The following IGSF6 variants were observed in gnomAD, a reference collection of about 807,000 sequenced individuals.
IGSF6 encodes down-regulated by activation (immunoglobulin superfamily).
IGSF6 carries 23 observed loss-of-function variants against 24.7 expected under a neutral mutation model. The observed-to-expected ratio is 0.93, with a 90% confidence interval of 0.67 to 1.32. The LOEUF (loss-of-function observed/expected upper bound fraction) is 1.32. IGSF6 is among the 40% of genes most tolerant of loss of function. The probability of loss-of-function intolerance (pLI) is 0.00; values close to 1 mark genes in which losing one functional copy is unlikely to be tolerated. For missense variants in IGSF6, 295 were observed against 293.6 expected (o/e 1.00, Z -0.04); for synonymous variants, 110 against 113.7 (o/e 0.97, Z 0.21).
intron 5 of IGSF6, 52 bp downstream of exon 5, chr16:21,643,022 C>G: frequency 7.7e-7 from 1 of 1,290,460 alleles, no homozygotes; most frequent in Non-Finnish European, 1.1e-6. Flanking sequence ...TTAGTTTTTT[C>G]AAACGTGCTT....
intron 2 of IGSF6, chr16:21,646,270 A>G (rs1966427245): frequency 6.6e-6 from 1 of 151,986 alleles, no homozygotes. Context: ...AGGAATTGTC[A>G]TGGGTTTTAT....
chr16:21,650,508 CAAAAAAA>C (rs3046229), intron 1 of IGSF6, among the ~76,000 whole-genome samples: 1 of 89,990 alleles, frequency 1.1e-5, no homozygotes, highest in African/African-American at 4.6e-5. Flanking sequence ...ACTCTTGTCT[CAAAAAAA>C]AAAAAAAAAA....
intron 2 of IGSF6, among the ~76,000 whole-genome samples, chr16:21,645,043 G>C (rs920584450): frequency 6.6e-6 from 1 of 152,180 alleles, no homozygotes; most frequent in African/African-American, 2.4e-5. Context: ...ATTGTCTTGT[G>C]CTCTGGGTAG....
intron 1 of IGSF6, among the ~76,000 whole-genome samples, chr16:21,648,947 C>T (rs1394592581): frequency 1.3e-5 from 2 of 152,074 alleles, no homozygotes; most frequent in African/African-American, 2.4e-5. Flanking sequence ...AGAATCATGG[C>T]GTTTGTGATG....
chr16:21,643,273 A>C, intron 4 of IGSF6, 119 bp from the exon 5 acceptor site: 1 of 734,462 alleles, frequency 1.4e-6, no homozygotes, highest in South Asian at 1.5e-5. Context: ...CCCCTCCCCC[A>C]ACACATATGT....
chr16:21,645,540 C>A (rs1966399019), intron 2 of IGSF6, among the ~76,000 whole-genome samples: 1 of 152,144 alleles, frequency 6.6e-6, no homozygotes, highest in Non-Finnish European at 1.5e-5. Context: ...GTGAAACTAA[C>A]AAATTAACCA....
chr16:21,651,769 C>T (rs1966582502), intron 1 of IGSF6: 2 of 152,016 alleles, frequency 1.3e-5, no homozygotes, highest in Admixed American at 6.6e-5. Context: ...ATTTTATCTG[C>T]ATCTTTCAGA....
At chr16:21,643,640 C>G in intron 3 of IGSF6, 42 bp from the exon 4 acceptor site, 2 of 1,364,276 alleles carry the variant, frequency 1.5e-6, no homozygotes, top group Non-Finnish European at 2.1e-6. Flanking sequence ...ATTTTATGTA[C>G]TCATAACAAT....
intron 2 of IGSF6, 33 bp from the exon 3 acceptor site, chr16:21,644,429 C>G: frequency 7.1e-7 from 1 of 1,403,880 alleles, no homozygotes; most frequent in Non-Finnish European, 1.0e-6. Flanking sequence ...AGCACATTGA[C>G]TATTAAAGCC....
chr16:21,651,019 C>T (rs930011425), intron 1 of IGSF6, among the ~76,000 whole-genome samples: 2 of 152,120 alleles, frequency 1.3e-5, no homozygotes, highest in Non-Finnish European at 2.9e-5. Flanking sequence ...GTCAGGAGAT[C>T]GAGACCATCC....
chr16:21,641,476 C>T lies in IGSF6; in HGVS notation c.*58G>A. ...AGACCTGATGATATATGTTCATTAACACTGCCATAGCTCCTGGAGTTGGAT... is the reference window on the plus strand; with the variant it reads ...AGACCTGATGATATATGTTCATTAATACTGCCATAGCTCCTGGAGTTGGAT... On this transcript the variant is annotated 3_prime_UTR_variant, in exon 6 of 6. Transcript: ENST00000268389. 1.0e-6 allele frequency: 1 copy of T among 972,320 alleles called. No homozygotes were observed. 60.2% of individuals were successfully genotyped at this position (972,320 alleles called of 1,614,324 possible). A position where few individuals can be genotyped will look rare whatever the true frequency, so the allele number is the denominator to read the frequency against.
At chr16:21,647,112 A>G in intron 2 of IGSF6, 21 bp downstream of exon 2, 1 of 1,614,100 alleles carries the variant, frequency 6.2e-7, no homozygotes, top group African/African-American at 1.3e-5. Flanking sequence ...GATGCACTGA[A>G]ATAAAGCCTC....
At chr16:21,643,999 C>T (rs573323182) in intron 3 of IGSF6, among the ~76,000 whole-genome samples, 1 of 152,124 alleles carries the variant, frequency 6.6e-6, no homozygotes, top group Non-Finnish European at 1.5e-5. Flanking sequence ...ACACCTCACC[C>T]CTACAGCAGA....
chr16:21,644,165 G>A, intron 3 of IGSF6, 125 bp downstream of exon 3: 1 of 668,620 alleles, frequency 1.5e-6, no homozygotes, highest in Non-Finnish European at 2.6e-6. Flanking sequence ...CCCTGCAGAT[G>A]CACAGGAAAA....
chr16:21,646,943 C>G, intron 2 of IGSF6, 190 bp downstream of exon 2: 1 of 704,186 alleles, frequency 1.4e-6, no homozygotes, highest in Non-Finnish European at 2.4e-6. Flanking sequence ...TGTGAGCCAC[C>G]ACGCCCAGCC....
intron 1 of IGSF6, among the ~76,000 whole-genome samples, chr16:21,647,908 G>A (rs1966471330): frequency 2.0e-5 from 3 of 152,188 alleles, no homozygotes; most frequent in Admixed American, 6.5e-5. Flanking sequence ...TGTGTTCAGT[G>A]TGGTAACCTG....
At chr16:21,641,750 A>T (rs1454723606) in intron 5 of IGSF6, among the ~76,000 whole-genome samples, 157 bp from the exon 6 acceptor site, 1 of 151,928 alleles carries the variant, frequency 6.6e-6, no homozygotes, top group Non-Finnish European at 1.5e-5. Context: ...CCCCATCCGT[A>T]TTTAGAGTAG....
rs887021130 is a variant in IGSF6, at chr16:21,640,013, A to G, written c.*1521T>C. On this transcript the variant is annotated 3_prime_UTR_variant, in exon 6 of 6. Coordinates refer to ENST00000268389, the MANE Select transcript of IGSF6 (RefSeq NM_005849.4). Reference sequence around the variant, plus strand: ...GGGTGCAGTGGCGTGATCTCAGCTCACTGCAACCTCCGCATCCTGGGTTCA... The same window carrying G: ...GGGTGCAGTGGCGTGATCTCAGCTCGCTGCAACCTCCGCATCCTGGGTTCA... 2.0e-5 allele frequency: 3 copies of G among 152,060 alleles called. No homozygotes were observed. Among genetic ancestry groups the G allele is most frequent in the Non-Finnish European group, 4.4e-5 (3 of 68,016 alleles). The allele number at this position is 152,060 out of a possible 1,614,324, so 9.4% of individuals were successfully genotyped here. A position where few individuals can be genotyped will look rare whatever the true frequency, so the allele number is the denominator to read the frequency against.
chr16:21,643,279 T>A, intron 4 of IGSF6, 125 bp from the exon 5 acceptor site: 2 of 711,210 alleles, frequency 2.8e-6, no homozygotes, highest in South Asian at 3.2e-5. Context: ...CCCCAACACA[T>A]ATGTGCCTAC....
Sources: gnomAD v4.1 joint callset for allele counts (sites outside exome capture counted in the v4.1 genomes callset) on GRCh38, gnomAD v4.1.1 for gene constraint, MANE v1.5 for transcripts, NCBI Gene and HGNC (gene_info 2026-07-23, HGNC 2026-07-21) for gene names.